DCC: variants seen among roughly 807,000 people sequenced by gnomAD.
DCC encodes netrin receptor DCC.
A neutral mutation model predicts 172.5 loss-of-function variants in DCC; 58 were observed. The observed-to-expected ratio is 0.34, with a 90% CI of 0.27 to 0.42. The LOEUF is 0.42. Among genes scored for constraint, DCC ranks in the 10% least tolerant of loss-of-function variants. DCC has a pLI of 1.00. For missense variants in DCC, 1,740 were observed against 1,791.0 expected (o/e 0.97, Z 0.51); for synonymous variants, 709 against 644.5 (o/e 1.10, Z -1.52).
At chr18:52,458,964 C>G (rs567194348) in intron 1 of DCC, among the ~76,000 whole-genome samples, 13 of 152,110 alleles carry the variant, frequency 8.5e-5, no homozygotes, top group Non-Finnish European at 1.6e-4. Context: ...AAGTTCAAAC[C>G]TAACAACTTC....
intron 10 of DCC, among the ~76,000 whole-genome samples, chr18:53,206,471 GTATATATAA>G (rs1430975240): frequency 9.4e-6 from 1 of 106,892 alleles, no homozygotes; most frequent in African/African-American, 3.4e-5. Context: ...GTTATATATA[GTATATATAA>G]TATATAATGT....
intron 12 of DCC, among the ~76,000 whole-genome samples, chr18:53,239,159 G>A (rs914789501): frequency 4.0e-5 from 6 of 149,760 alleles, no homozygotes; most frequent in South Asian, 2.1e-4. Flanking sequence ...TAACCTGCAC[G>A]TTGTGCACAT....
intron 7 of DCC, among the ~76,000 whole-genome samples, chr18:53,080,904 G>A (rs138195923): frequency 2.5e-3 from 379 of 152,116 alleles, no homozygotes; most frequent in Non-Finnish European, 4.5e-3. Context: ...GTATAAGTGA[G>A]TCATTCTCCT....
At chr18:53,200,751 G>A (rs530024007) in intron 9 of DCC, among the ~76,000 whole-genome samples, 41 of 152,202 alleles carry the variant, frequency 2.7e-4, no homozygotes, top group African/African-American at 9.9e-4. Context: ...ATGATTCTCA[G>A]AGTCATGGTC....
In DCC at chr18:53,412,778, T is replaced by C. The variant is rs375739684; in HGVS notation, c.3130+2132T>C. Among the ~76,000 whole-genome samples the C allele has an allele frequency of 7.9e-5, 12 of 152,284 alleles. No individual in the cohort carries two copies. The South Asian group carries it at 1.9e-3, about 24-fold the overall frequency. On this transcript the variant is annotated intron_variant, in intron 20 of 28. Coordinates refer to ENST00000442544, the MANE Select transcript of DCC (RefSeq NM_005215.4). ...ATTCTAGAGGCTAGCATTTGGTCTT[T>C]TTGATATTAACAACCAGTCAGAGAA...
In DCC at chr18:52,381,967, C is replaced by T. The variant is rs542392804; in HGVS notation, c.91+41089C>T. 8.9e-4 allele frequency among the ~76,000 whole-genome samples: 135 copies of T among 152,170 alleles called. 1 individual carries two copies. Among genetic ancestry groups the T allele is most frequent in the East Asian group, 1.4e-3 (7 of 5,158 alleles). The stretch of plus-strand genomic sequence containing the variant: ...TTGGAAAAAAGCTGTCTCCTTGGTC[C>T]ATGCTTTGGAGAAACAAATAATGCT... On this transcript the variant is annotated intron_variant, in intron 1 of 28. Coordinates refer to ENST00000442544, the MANE Select transcript of DCC (RefSeq NM_005215.4).
At chr18:52,841,977 G>A (rs1284931616) in intron 2 of DCC, among the ~76,000 whole-genome samples, 1 of 146,228 alleles carries the variant, frequency 6.8e-6, no homozygotes, top group Non-Finnish European at 1.5e-5. Flanking sequence ...TAAAGTTTGA[G>A]GATATTCCAG....
At chr18:53,144,602 G>C (rs916454488) in intron 7 of DCC, among the ~76,000 whole-genome samples, 3 of 152,114 alleles carry the variant, frequency 2.0e-5, no homozygotes, top group Non-Finnish European at 2.9e-5. Flanking sequence ...TCCCTCCCAC[G>C]ACACATGGGA....
chr18:52,355,692 C>T (rs868630131), intron 1 of DCC, among the ~76,000 whole-genome samples: 7 of 151,208 alleles, frequency 4.6e-5, no homozygotes, highest in African/African-American at 1.5e-4. Flanking sequence ...TTTTAGTTAA[C>T]AAAATGGTTG....
chr18:52,966,400 C>G (rs2040930760), intron 5 of DCC, among the ~76,000 whole-genome samples: 1 of 152,104 alleles, frequency 6.6e-6, no homozygotes, highest in Non-Finnish European at 1.5e-5. Flanking sequence ...AGCTAATACC[C>G]TGAACAATCT....
At chr18:52,399,779 C>T (rs571742552) in intron 1 of DCC, among the ~76,000 whole-genome samples, 1 of 151,918 alleles carries the variant, frequency 6.6e-6, no homozygotes. Context: ...ATGTCTGTTA[C>T]GTTCATTGGA....
At chr18:53,018,542 C>T (rs1274302395) in intron 5 of DCC, among the ~76,000 whole-genome samples, 1 of 152,100 alleles carries the variant, frequency 6.6e-6, no homozygotes, top group Non-Finnish European at 1.5e-5. Flanking sequence ...ATTTAAATAT[C>T]TCTTTCTCAG....
rs192520915 is a variant in DCC at position 52,708,850 on chromosome 18, A to G, written c.92-43204A>G. Among the ~76,000 whole-genome samples, 277 of 152,316 alleles carry G rather than the reference A, an allele frequency of 1.8e-3. 3 individuals carry two copies. Among genetic ancestry groups the G allele is most frequent in the African/African-American group, 5.3e-3 (219 of 41,582 alleles). The stretch of plus-strand genomic sequence containing the variant: ...TTAAGTTCTTGTTTAAGCTAAAGAA[A>G]AAGGATCCTGGGTTAAGTAGGCCAA... On this transcript the variant is annotated intron_variant, in intron 1 of 28. Coordinates refer to ENST00000442544, the MANE Select transcript of DCC (RefSeq NM_005215.4).
intron 12 of DCC, chr18:53,237,149 G>A (rs1175452714): frequency 6.5e-6 from 1 of 153,070 alleles, no homozygotes; most frequent in African/African-American, 2.4e-5. Flanking sequence ...TTATATGTAT[G>A]ATGAGATCAT....
At chr18:52,612,291 T>A (rs2034290838) in intron 1 of DCC, among the ~76,000 whole-genome samples, 2 of 152,232 alleles carry the variant, frequency 1.3e-5, no homozygotes, top group South Asian at 4.1e-4. Context: ...TCCATCTTCC[T>A]CATCTCTCCC....
chr18:52,986,398 G>A (rs921395909), intron 5 of DCC, among the ~76,000 whole-genome samples: 1 of 152,114 alleles, frequency 6.6e-6, no homozygotes, highest in Non-Finnish European at 1.5e-5. Flanking sequence ...CTATTTTCCT[G>A]CCTCACTTTC....
intron 12 of DCC, among the ~76,000 whole-genome samples, chr18:53,225,352 C>T (rs1194603930): frequency 6.6e-6 from 1 of 152,066 alleles, no homozygotes; most frequent in African/African-American, 2.4e-5. Flanking sequence ...CATTTTTGAA[C>T]ATGAGAGATA....
At chr18:53,503,963 C>A (rs2046137190) in intron 27 of DCC, among the ~76,000 whole-genome samples, 1 of 152,214 alleles carries the variant, frequency 6.6e-6, no homozygotes, top group Non-Finnish European at 1.5e-5. Context: ...GTCCAAAACT[C>A]ACTTCATTGT....
chr18:53,225,657 G>A (rs1305251082), intron 12 of DCC, among the ~76,000 whole-genome samples: 1 of 152,176 alleles, frequency 6.6e-6, no homozygotes, highest in Non-Finnish European at 1.5e-5. Flanking sequence ...AGGGAAAAAG[G>A]TGGAAAATGG....
Sources: gnomAD v4.1 joint callset for allele counts (sites outside exome capture counted in the v4.1 genomes callset) on GRCh38, gnomAD v4.1.1 for gene constraint, MANE v1.5 for transcripts, NCBI Gene and HGNC (gene_info 2026-07-23, HGNC 2026-07-21) for gene names.